ESRRG: variants seen among roughly 807,000 people sequenced by gnomAD.
ESRRG encodes estrogen related receptor gamma.
In ESRRG, 13 loss-of-function variants were observed where a neutral mutation model predicts 44.0. The observed-to-expected ratio is 0.30, with a 90% CI of 0.19 to 0.47. The LOEUF (loss-of-function observed/expected upper bound fraction) is 0.47. ESRRG is among the 20% of genes least tolerant of loss of function. The pLI, the probability that ESRRG is intolerant of heterozygous loss-of-function variation, is 1.00. For synonymous variants in ESRRG, 215 were observed against 214.6 expected, an observed-to-expected ratio of 1.00 and a Z score of -0.02; for missense variants, 395 against 580.6, an observed-to-expected ratio of 0.68 and a Z score of 3.29.
intron 2 of ESRRG, among the ~76,000 whole-genome samples, chr1:216,912,219 A>AGG (rs2060525269): frequency 2.5e-5 from 1 of 40,020 alleles, no homozygotes; most frequent in Non-Finnish European, 5.1e-5. Flanking sequence ...AGGAGAGGAG[A>AGG]GGAGAGGAGA....
intron 5 of ESRRG, among the ~76,000 whole-genome samples, chr1:216,542,371 A>T (rs1014984678): frequency 2.0e-5 from 3 of 151,978 alleles, no homozygotes; most frequent in African/African-American, 7.2e-5. Flanking sequence ...ACTCTTTAAA[A>T]GTAGCTATAG....
chr1:216,888,454 A>C (rs2149377559), intron 2 of ESRRG, among the ~76,000 whole-genome samples: 1 of 152,260 alleles, frequency 6.6e-6, no homozygotes, highest in Admixed American at 6.5e-5. Context: ...CATGTATTTT[A>C]CACTTAGGCT....
chr1:217,110,218 G>A (rs1217031819), intron 1 of ESRRG, among the ~76,000 whole-genome samples: 1 of 152,158 alleles, frequency 6.6e-6, no homozygotes, highest in Non-Finnish European at 1.5e-5. Context: ...TGTCAGTGCA[G>A]CACACTGAAA....
chr1:217,009,839 G>A (rs2078291127), intron 1 of ESRRG, among the ~76,000 whole-genome samples: 1 of 150,902 alleles, frequency 6.6e-6, no homozygotes. Flanking sequence ...CCAAGTAGCT[G>A]AGATTACAGG....
intron 1 of ESRRG, among the ~76,000 whole-genome samples, chr1:216,994,469 A>T (rs2076114972): frequency 8.9e-6 from 1 of 111,934 alleles, no homozygotes. Context: ...GTGTAAACAC[A>T]CACACACACA....
At chr1:216,723,700 C>T (rs1213040997), upstream of ESRRG, among the ~76,000 whole-genome samples, 1 of 151,780 alleles carries the variant, frequency 6.6e-6, no homozygotes, top group Non-Finnish European at 1.5e-5. Context: ...TACACACTCT[C>T]GGGTTTGATT....
chr1:216,557,534 C>T (rs1252803717), intron 5 of ESRRG, among the ~76,000 whole-genome samples: 1 of 152,134 alleles, frequency 6.6e-6, no homozygotes, highest in African/African-American at 2.4e-5. Context: ...GTTTACTCAT[C>T]TATAAAGTGG....
chr1:216,788,830 G>C (rs183380780), intron 2 of ESRRG, among the ~76,000 whole-genome samples: 1 of 152,214 alleles, frequency 6.6e-6, no homozygotes, highest in East Asian at 1.9e-4. Flanking sequence ...CAGGAATTTG[G>C]AAGAACTTGA....
At chr1:217,045,847 T>C (rs1187969001) in intron 1 of ESRRG, among the ~76,000 whole-genome samples, 2 of 152,226 alleles carry the variant, frequency 1.3e-5, no homozygotes, top group Non-Finnish European at 2.9e-5. Flanking sequence ...TTTGCTGCTA[T>C]GTTTCTTTTG....
chr1:216,975,682 A>G (rs74913440), intron 1 of ESRRG, among the ~76,000 whole-genome samples: 1 of 152,310 alleles, frequency 6.6e-6, no homozygotes, highest in East Asian at 1.9e-4. Flanking sequence ...TCTTGAGGAG[A>G]GGTACTAGAG....
intron 2 of ESRRG, among the ~76,000 whole-genome samples, chr1:216,661,612 C>T (rs1390125514): frequency 6.6e-6 from 1 of 152,064 alleles, no homozygotes; most frequent in African/African-American, 2.4e-5. Context: ...ATGATAAAAG[C>T]AGTTGATTCT....
At chr1:216,599,579 C>T (rs2150123678) in intron 3 of ESRRG, among the ~76,000 whole-genome samples, 1 of 152,286 alleles carries the variant, frequency 6.6e-6, no homozygotes, top group East Asian at 1.9e-4. Context: ...TTCACTCTAA[C>T]AACCTCATTT....
At chr1:216,908,049 A>C (rs2059883886) in intron 2 of ESRRG, among the ~76,000 whole-genome samples, 1 of 152,252 alleles carries the variant, frequency 6.6e-6, no homozygotes, top group African/African-American at 2.4e-5. Context: ...TAAAATTCCA[A>C]CTTATTCATG....
At chr1:216,582,010 G>A (rs1328704579) in intron 3 of ESRRG, among the ~76,000 whole-genome samples, 1 of 152,144 alleles carries the variant, frequency 6.6e-6, no homozygotes, top group South Asian at 2.1e-4. Flanking sequence ...TTATAAGTTG[G>A]TCACTATTTA....
intron 1 of ESRRG, among the ~76,000 whole-genome samples, chr1:217,084,193 A>G (rs1202751827): frequency 2.6e-5 from 4 of 152,170 alleles, no homozygotes; most frequent in Admixed American, 2.6e-4. Flanking sequence ...AACTCTGACA[A>G]TAGGATCTAT....
intron 1 of ESRRG, among the ~76,000 whole-genome samples, chr1:217,086,344 A>G (rs927987971): frequency 6.6e-6 from 1 of 152,220 alleles, no homozygotes; most frequent in African/African-American, 2.4e-5. Flanking sequence ...TCCCCATTTC[A>G]TAGGGCTCAA....
intron 2 of ESRRG, among the ~76,000 whole-genome samples, chr1:216,925,394 G>A (rs942977533): frequency 1.6e-4 from 24 of 151,972 alleles, no homozygotes; most frequent in South Asian, 2.1e-4. Flanking sequence ...CTGAGATCAC[G>A]CCACCACACT....
chr1:216,527,723 T>C (rs1294737821), intron 5 of ESRRG, among the ~76,000 whole-genome samples: 1 of 152,164 alleles, frequency 6.6e-6, no homozygotes. Flanking sequence ...CATTCTCAAA[T>C]ACACACACTT....
chr1:216,843,099 A>G (rs1175944441), intron 2 of ESRRG, among the ~76,000 whole-genome samples: 1 of 152,118 alleles, frequency 6.6e-6, no homozygotes, highest in African/African-American at 2.4e-5. Flanking sequence ...TAGTTGCTGC[A>G]CAGCCCAAGC....
Sources: allele counts gnomAD v4.1 joint callset (sites outside exome capture counted in the v4.1 genomes callset), GRCh38; gene constraint gnomAD v4.1.1; transcripts MANE v1.5; gene names NCBI Gene and HGNC (gene_info 2026-07-23, HGNC 2026-07-21).